NFIA: variants seen among roughly 807,000 people sequenced by gnomAD.
The protein encoded by NFIA is nuclear factor I A.
NFIA carries 8 observed loss-of-function variants against 62.8 expected under a neutral mutation model. The observed-to-expected ratio is 0.13, with a 90% CI of 0.07 to 0.23. NFIA has a LOEUF of 0.23. Among genes scored for constraint, NFIA ranks in the 10% least tolerant of loss-of-function variants. The pLI is 1.00. For missense variants in NFIA, 410 were observed against 642.1 expected, an observed-to-expected ratio of 0.64 and a Z score of 3.91; for synonymous variants, 235 against 238.1, an observed-to-expected ratio of 0.99 and a Z score of 0.12.
At chr1:61,395,407 A>G (rs768090889) in intron 7 of NFIA, among the ~76,000 whole-genome samples, 5 of 151,840 alleles carry the variant, frequency 3.3e-5, no homozygotes, top group Admixed American at 6.6e-5. Context: ...ACAGGACTGC[A>G]GTTTGTAATT....
At chr1:61,349,439 C>T (rs953931203) in intron 4 of NFIA, among the ~76,000 whole-genome samples, 3 of 152,202 alleles carry the variant, frequency 2.0e-5, no homozygotes, top group Non-Finnish European at 4.4e-5. Flanking sequence ...TACCGTCCCT[C>T]GATTCCATAG....
chr1:61,233,459 A>G (rs565638474), intron 2 of NFIA, among the ~76,000 whole-genome samples: 2 of 152,342 alleles, frequency 1.3e-5, no homozygotes, highest in East Asian at 3.9e-4. Flanking sequence ...GGCCTGTGGT[A>G]GCAACATGCT....
chr1:61,357,756 G>T (rs114246223), intron 5 of NFIA, among the ~76,000 whole-genome samples: 9 of 152,056 alleles, frequency 5.9e-5, no homozygotes, highest in Admixed American at 2.0e-4. Context: ...TGTAGGATGC[G>T]CACAGTAGGT....
chr1:61,359,363 A>C, intron 6 of NFIA, 89 bp downstream of exon 6: 1 of 1,577,266 alleles, frequency 6.3e-7, no homozygotes, highest in Non-Finnish European at 8.6e-7. Flanking sequence ...AAGTGAAGAA[A>C]GAAAGCTCAA....
intron 2 of NFIA, among the ~76,000 whole-genome samples, chr1:61,203,417 A>G (rs1401591499): frequency 6.6e-6 from 1 of 152,156 alleles, no homozygotes; most frequent in African/African-American, 2.4e-5. Context: ...CCTTATTTAT[A>G]AAACAGAAGT....
chr1:61,185,729 A>G (rs1333017144), intron 2 of NFIA, among the ~76,000 whole-genome samples: 1 of 146,036 alleles, frequency 6.8e-6, no homozygotes, highest in Non-Finnish European at 1.5e-5. Flanking sequence ...CCCATTTGCT[A>G]CTTGTCTGCT....
chr1:61,150,568 C>G (rs1648328338), intron 2 of NFIA, among the ~76,000 whole-genome samples: 1 of 152,096 alleles, frequency 6.6e-6, no homozygotes, highest in Non-Finnish European at 1.5e-5. Context: ...TTTTAAAATT[C>G]TTATCTGACT....
At chr1:61,200,681 T>A (rs1223857810) in intron 2 of NFIA, among the ~76,000 whole-genome samples, 2 of 152,170 alleles carry the variant, frequency 1.3e-5, no homozygotes, top group African/African-American at 4.8e-5. Flanking sequence ...TCTAGAGTTG[T>A]TTACCTATTC....
chr1:61,147,108 A>G (rs928177239), intron 2 of NFIA, among the ~76,000 whole-genome samples: 2 of 152,034 alleles, frequency 1.3e-5, no homozygotes, highest in African/African-American at 2.4e-5. Context: ...TAGATTCTGC[A>G]TAGTTGGAAG....
chr1:61,358,491 T>TTGTC (rs1157983214), intron 5 of NFIA, among the ~76,000 whole-genome samples: 3 of 144,122 alleles, frequency 2.1e-5, no homozygotes, highest in African/African-American at 5.1e-5. Context: ...ATTCAAGCAA[T>TTGTC]TGTCCTGCCT....
Position 61,455,387 on chromosome 1 carries a change from G to A in NFIA, c.*67G>A, listed in dbSNP as rs771832633. 1.5e-5 allele frequency: 25 copies of A among 1,613,238 alleles called. No individual in the cohort carries two copies. Among genetic ancestry groups the A allele is most frequent in the Middle Eastern group, 1.6e-4 (1 of 6,082 alleles). On this transcript the variant is annotated 3_prime_UTR_variant, in exon 11 of 11. Transcript: ENST00000403491. ...CCCTTCTCAACTCTGTAACATGGAC[G>A]CAACCTCAACCCAGCGCAGTTACAA... is the stretch of plus-strand genomic sequence containing the variant.
chr1:61,219,218 C>T (rs1444129341), intron 2 of NFIA, among the ~76,000 whole-genome samples: 3 of 149,052 alleles, frequency 2.0e-5, no homozygotes, highest in African/African-American at 2.5e-5. Flanking sequence ...GGTGAAAAAG[C>T]GAAACTCAGT....
chr1:61,361,455 G>A (rs1036088495), intron 6 of NFIA, among the ~76,000 whole-genome samples: 1 of 152,110 alleles, frequency 6.6e-6, no homozygotes, highest in Non-Finnish European at 1.5e-5. Context: ...TAAACATATA[G>A]GTTTGGTACA....
At chr1:61,156,455 G>T (rs1224977334) in intron 2 of NFIA, among the ~76,000 whole-genome samples, 1 of 152,102 alleles carries the variant, frequency 6.6e-6, no homozygotes, top group South Asian at 2.1e-4. Flanking sequence ...CATTATTAAT[G>T]GATTTCATTA....
chr1:61,150,120 A>G (rs1330788935), intron 2 of NFIA, among the ~76,000 whole-genome samples: 1 of 152,216 alleles, frequency 6.6e-6, no homozygotes. Context: ...CAAGACCTTT[A>G]AAAAATACAC....
At chr1:61,276,438 G>A (rs1657811446) in intron 2 of NFIA, among the ~76,000 whole-genome samples, 1 of 152,088 alleles carries the variant, frequency 6.6e-6, no homozygotes, top group Non-Finnish European at 1.5e-5. Context: ...GCAGAAATGT[G>A]GTTAAATTTC....
intron 3 of NFIA, among the ~76,000 whole-genome samples, chr1:61,294,856 G>C (rs1262281347): frequency 6.6e-6 from 1 of 152,196 alleles, no homozygotes; most frequent in East Asian, 1.9e-4. Context: ...TCCGTATTCA[G>C]TGGACTTCTG....
At chr1:61,103,182 T>C (rs1646541262) in intron 2 of NFIA, among the ~76,000 whole-genome samples, 1 of 152,166 alleles carries the variant, frequency 6.6e-6, no homozygotes, top group African/African-American at 2.4e-5. Context: ...TATGTGAAAA[T>C]GTTGGTACAT....
rs115023735 is a variant in NFIA at position 61,454,466 on chromosome 1, C to T, written c.1513-837C>T. Among the ~76,000 whole-genome samples the T allele has an allele frequency of 4.9e-3, 746 of 152,320 alleles. 6 individuals are homozygous for T. Among genetic ancestry groups the T allele is most frequent in the South Asian group, 0.012 (56 of 4,826 alleles). On this transcript the variant is annotated intron_variant, in intron 10 of 10. Transcript: ENST00000403491. ...CCAGTAACTGGGCCTGGCAGGCACA[C>T]AGAAGGCTCTAAATAAATGCTGCAT...
Sources: gnomAD v4.1 joint callset for allele counts (sites outside exome capture counted in the v4.1 genomes callset) on GRCh38, gnomAD v4.1.1 for gene constraint, MANE v1.5 for transcripts, NCBI Gene and HGNC (gene_info 2026-07-23, HGNC 2026-07-21) for gene names.